CYP4X1: variants seen among roughly 807,000 people sequenced by gnomAD.
CYP4X1 encodes cytochrome P450 4X1.
In CYP4X1, 44 loss-of-function variants were observed where a neutral mutation model predicts 57.9. The observed-to-expected ratio is 0.76, with a 90% CI of 0.60 to 0.98. The LOEUF (loss-of-function observed/expected upper bound fraction) is 0.98, where lower values mean the gene tolerates loss of function less well. Ranked by LOEUF, CYP4X1 falls within the 50% of genes least tolerant of loss-of-function variation. The pLI, the probability that CYP4X1 is intolerant of heterozygous loss-of-function variation, is 0.00. For missense variants in CYP4X1, 532 were observed against 623.9 expected (o/e 0.85, Z 1.57); for synonymous variants, 227 against 228.6 (o/e 0.99, Z 0.06).
chr1:47,010,989 A>G, the CYP4X1 span, among the ~76,000 whole-genome samples: 3 of 152,186 alleles, frequency 2.0e-5, no homozygotes, highest in African/African-American at 7.2e-5. Context: ...TGCCCATGGT[A>G]ATTTATAGAT....
the CYP4X1 span, among the ~76,000 whole-genome samples, chr1:46,990,910 G>T: frequency 6.6e-6 from 1 of 151,992 alleles, no homozygotes; most frequent in Admixed American, 6.6e-5. Flanking sequence ...GGGGCGGGGG[G>T]TTAGGAGAGG....
upstream of CYP4X1, among the ~76,000 whole-genome samples, chr1:47,021,127 T>C (rs972488969): frequency 1.9e-5 from 2 of 106,576 alleles, no homozygotes; most frequent in Non-Finnish European, 3.6e-5. Flanking sequence ...TCAGTAGATA[T>C]TTGTGCAGGA....
chr1:46,994,648 T>C, the CYP4X1 span: 1 of 152,320 alleles, frequency 6.6e-6, no homozygotes, highest in Non-Finnish European at 1.5e-5. Context: ...GACCCCAGTG[T>C]CCAGAATTGA....
downstream of CYP4X1, among the ~76,000 whole-genome samples, chr1:47,052,411 G>A (rs761269220): frequency 2.6e-5 from 4 of 152,026 alleles, no homozygotes; most frequent in Non-Finnish European, 4.4e-5. Context: ...GCCAAAAATT[G>A]TATATCATAT....
chr1:46,983,721 C>G, the CYP4X1 span, among the ~76,000 whole-genome samples: 40 of 152,290 alleles, frequency 2.6e-4, no homozygotes, highest in Middle Eastern at 3.4e-3. Context: ...TTCCTCCCAG[C>G]CTGAGGGCAG....
At position 47,027,119 on chromosome 1, in the gene CYP4X1, T is replaced by A. The variant is rs559133768; in HGVS notation, c.178-2871T>A. Among the ~76,000 whole-genome samples, 8 of 152,364 alleles carry A rather than the reference T, an allele frequency of 5.3e-5. No individual in the cohort carries two copies. The East Asian group carries it at 1.5e-3, about 29-fold the overall frequency. On this transcript the variant is annotated intron_variant, in intron 1 of 11. Coordinates refer to ENST00000371901, the MANE Select transcript of CYP4X1 (RefSeq NM_178033.2). ...TGTTCTTTTTAATTTCATTTCAGAC[T>A]ATTTATTGCATTCATAGTGTTTTAG...
the CYP4X1 span, among the ~76,000 whole-genome samples, chr1:46,963,154 T>C: frequency 1.3e-5 from 2 of 152,158 alleles, no homozygotes; most frequent in African/African-American, 4.8e-5. Flanking sequence ...TGTCTCCACA[T>C]GTGGGATGGG....
chr1:47,029,969 C>T, intron 1 of CYP4X1, 21 bp from the exon 2 acceptor site: 1 of 1,612,400 alleles, frequency 6.2e-7, no homozygotes, highest in Non-Finnish European at 8.5e-7. Context: ...TGGCTAATTA[C>T]TTTTACTTTT....
intron 10 of CYP4X1, among the ~76,000 whole-genome samples, 167 bp downstream of exon 10, chr1:47,048,796 A>G (rs1368652461): frequency 6.6e-6 from 1 of 152,266 alleles, no homozygotes; most frequent in Non-Finnish European, 1.5e-5. Context: ...TGTTCTTGAA[A>G]CACTCTTGAC....
At chr1:46,961,488 A>G in the CYP4X1 span, 2 of 1,122,258 alleles carry the variant, frequency 1.8e-6, no homozygotes, top group Non-Finnish European at 2.3e-6. Context: ...TGGCTTCCAG[A>G]ACATTTGAGC....
At chr1:47,052,122 A>G (rs74386930), downstream of CYP4X1, among the ~76,000 whole-genome samples, 749 of 152,206 alleles carry the variant, frequency 4.9e-3, 13 homozygotes, top group East Asian at 0.047. Flanking sequence ...TTTATTTGTC[A>G]GGTTGCCAGG....
At chr1:46,976,889 T>C in the CYP4X1 span, among the ~76,000 whole-genome samples, 1 of 152,102 alleles carries the variant, frequency 6.6e-6, no homozygotes, top group South Asian at 2.1e-4. Flanking sequence ...GACCTGACTG[T>C]TAGAAGGAAA....
upstream of CYP4X1, among the ~76,000 whole-genome samples, chr1:47,022,347 G>A (rs1644007641): frequency 7.1e-6 from 1 of 140,034 alleles, no homozygotes; most frequent in Non-Finnish European, 1.5e-5. Flanking sequence ...CTGGAGTGCA[G>A]TGGCGCGATC....
At chr1:46,965,414 T>A in the CYP4X1 span, among the ~76,000 whole-genome samples, 6,558 of 152,334 alleles carry the variant, frequency 0.043, 481 homozygotes, top group African/African-American at 0.14. Context: ...TCTTTTTTGT[T>A]GATGTTGTTG....
chr1:47,024,105 G>A, intron 1 of CYP4X1, 111 bp downstream of exon 1: 1 of 1,316,790 alleles, frequency 7.6e-7, no homozygotes, highest in Non-Finnish European at 1.0e-6. Flanking sequence ...GGGACCCTCC[G>A]GCTTGCACTG....
At chr1:47,026,654 G>A (rs1644068693) in intron 1 of CYP4X1, among the ~76,000 whole-genome samples, 1 of 152,032 alleles carries the variant, frequency 6.6e-6, no homozygotes, top group Non-Finnish European at 1.5e-5. Context: ...AGAATATTAG[G>A]TCTTCTGATC....
At chr1:47,002,330 T>TC in the CYP4X1 span, among the ~76,000 whole-genome samples, 1 of 152,122 alleles carries the variant, frequency 6.6e-6, no homozygotes, top group Non-Finnish European at 1.5e-5. Flanking sequence ...ATGAATAAAA[T>TC]CGAATGGAAT....
intron 4 of CYP4X1, among the ~76,000 whole-genome samples, chr1:47,035,293 G>C (rs1644169336): frequency 6.6e-6 from 1 of 151,976 alleles, no homozygotes; most frequent in African/African-American, 2.4e-5. Flanking sequence ...GGCTTTGCTG[G>C]GGGCAGCTCC....
chr1:47,006,766 G>A, the CYP4X1 span, among the ~76,000 whole-genome samples: 1 of 152,174 alleles, frequency 6.6e-6, no homozygotes, highest in African/African-American at 2.4e-5. Context: ...CTTAGCAAAC[G>A]GCACACCAGG....
Sources: gnomAD v4.1 joint callset for allele counts (sites outside exome capture counted in the v4.1 genomes callset) on GRCh38, gnomAD v4.1.1 for gene constraint, MANE v1.5 for transcripts, NCBI Gene and HGNC (gene_info 2026-07-23, HGNC 2026-07-21) for gene names.